Variants in GDA observed in about 807,000 individuals in gnomAD.
The protein encoded by GDA is cytoplasmic PSD-95 interactor.
Under a neutral mutation model 59.6 loss-of-function variants are expected in GDA, and 18 were observed. That is an observed-to-expected ratio of 0.30 (90% CI 0.21 to 0.45). The LOEUF (loss-of-function observed/expected upper bound fraction) is 0.45, where lower values mean the gene tolerates loss of function less well. GDA is among the 20% of genes least tolerant of loss of function. GDA has a pLI of 1.00. For missense variants in GDA, 427 were observed against 552.3 expected (o/e 0.77, Z 2.27); for synonymous variants, 201 against 201.1 (o/e 1.00, Z 0.00).
chr9:72,222,659 A>T (rs1373819348), intron 6 of GDA, among the ~76,000 whole-genome samples: 1 of 151,450 alleles, frequency 6.6e-6, no homozygotes, highest in Non-Finnish European at 1.5e-5. Flanking sequence ...CCTGAATGGT[A>T]TTGCCTAGGT....
At chr9:72,147,530 T>C (rs935664929), upstream of GDA, among the ~76,000 whole-genome samples, 4 of 152,200 alleles carry the variant, frequency 2.6e-5, no homozygotes, top group Non-Finnish European at 4.4e-5. Context: ...AGCTTAACAT[T>C]GTGGCTATAT....
intron 12 of GDA, among the ~76,000 whole-genome samples, chr9:72,245,523 A>G (rs185506253): frequency 1.3e-5 from 2 of 152,358 alleles, no homozygotes; most frequent in African/African-American, 2.4e-5. Flanking sequence ...ACAAACAGCC[A>G]TAATGTAACT....
intron 1 of GDA, among the ~76,000 whole-genome samples, chr9:72,126,643 T>C (rs1312478627): frequency 6.7e-6 from 1 of 149,640 alleles, no homozygotes; most frequent in East Asian, 2.0e-4. Context: ...CTCGGCTCAC[T>C]GCAACCTCTG....
In GDA at chr9:72,182,359, T is replaced by C. The variant is rs117266826; in HGVS notation, c.124-13141T>C. On this transcript the variant is annotated intron_variant, in intron 1 of 13. Transcript: ENST00000358399. ...TTTAGTGTTTCTTTGTCTTTCATGC[T>C]CTGGATAATTTTCAAGAATATAGAA... 6.4e-3 allele frequency among the ~76,000 whole-genome samples: 978 copies of C among 152,316 alleles called. 12 individuals are homozygous for C. The highest frequency in any genetic ancestry group is 0.011 in the South Asian group (53 of 4,818).
At chr9:72,141,797 A>C (rs1826451523) in intron 1 of GDA, among the ~76,000 whole-genome samples, 1 of 152,202 alleles carries the variant, frequency 6.6e-6, no homozygotes, top group Non-Finnish European at 1.5e-5. Context: ...AGATCCCCAG[A>C]ATGAGAGCCT....
chr9:72,248,239 AT>A, intron 13 of GDA, 32 bp from the exon 14 acceptor site: 1 of 1,445,922 alleles, frequency 6.9e-7, no homozygotes, highest in Non-Finnish European at 9.7e-7. Context: ...ACACAAAAGG[AT>A]TTTATACATG....
chr9:72,178,411 A>ATTT (rs1491280764), intron 1 of GDA, among the ~76,000 whole-genome samples: 1 of 133,938 alleles, frequency 7.5e-6, no homozygotes, highest in African/African-American at 3.1e-5. Context: ...GTTGGAATCG[A>ATTT]TATTTTTTTT....
intron 1 of GDA, among the ~76,000 whole-genome samples, chr9:72,118,585 T>G (rs1007367662): frequency 2.0e-5 from 3 of 152,118 alleles, no homozygotes; most frequent in African/African-American, 7.2e-5. Context: ...GCCAAACAAT[T>G]GCACAGATTT....
chr9:72,218,096 T>C (rs942653391), intron 5 of GDA, among the ~76,000 whole-genome samples: 1 of 152,066 alleles, frequency 6.6e-6, no homozygotes, highest in Non-Finnish European at 1.5e-5. Flanking sequence ...ATGTTTTTAG[T>C]AGAGATGAGG....
At chr9:72,184,117 AT>A (rs1831588109) in intron 1 of GDA, among the ~76,000 whole-genome samples, 1 of 152,182 alleles carries the variant, frequency 6.6e-6, no homozygotes. Flanking sequence ...TTTCCCATGT[AT>A]CCCCTGCCGG....
chr9:72,149,791 C>T, intron 1 of GDA, 109 bp downstream of exon 1: 1 of 1,156,532 alleles, frequency 8.6e-7, no homozygotes, highest in Non-Finnish European at 1.2e-6. Context: ...CAGTGAGCGC[C>T]GCGGCTCCGG....
At chr9:72,226,275 T>C (rs1837574427) in intron 8 of GDA, among the ~76,000 whole-genome samples, 1 of 152,176 alleles carries the variant, frequency 6.6e-6, no homozygotes, top group African/African-American at 2.4e-5. Flanking sequence ...AGAGCATACA[T>C]AGGATTTTAT....
chr9:72,211,224 G>A (rs1835318962), intron 4 of GDA, among the ~76,000 whole-genome samples: 1 of 152,208 alleles, frequency 6.6e-6, no homozygotes, highest in Admixed American at 6.5e-5. Flanking sequence ...CCCTTGAGAA[G>A]CCAGACAGAA....
At chr9:72,199,542 C>T (rs10781084) in intron 2 of GDA, among the ~76,000 whole-genome samples, 39,224 of 152,096 alleles carry the variant, frequency 0.26, 5,546 homozygotes, top group East Asian at 0.55. Flanking sequence ...TTCATCCTAA[C>T]TTTCACTACC....
At chr9:72,216,399 T>TG (rs1836115711) in intron 5 of GDA, among the ~76,000 whole-genome samples, 1 of 152,184 alleles carries the variant, frequency 6.6e-6, no homozygotes, top group Non-Finnish European at 1.5e-5. Context: ...ATATGAGAAC[T>TG]TGTCCTGCAC....
Position 72,149,681 on chromosome 9 carries a change from A to G in GDA, c.122A>G (p.Lys41Arg). The change falls in exon 1 of 14, where the codon AAA becomes AGA. Residue 41 changes from lysine (K) to arginine (R), a missense_variant and splice_region_variant. Lys to Arg is a conservative substitution (Grantham distance 26, BLOSUM62 2). Transcript: ENST00000358399. ...CTCCTCGGCGTGAGCGACAGCGGCA[A>G]AGTAAGCAGGCGCGGGGTCGAGCGC... ...DHLLGVSDSG[K>R]IVFLEEASQQ... 1 of 1,598,692 alleles carries G rather than the reference A, an allele frequency of 6.3e-7. No individual in the cohort carries two copies. Among genetic ancestry groups the G allele is most frequent in the African/African-American group, 1.4e-5 (1 of 73,060 alleles).
intron 1 of GDA, among the ~76,000 whole-genome samples, chr9:72,172,926 G>C (rs542302559): frequency 4.6e-5 from 7 of 152,094 alleles, no homozygotes; most frequent in Non-Finnish European, 8.8e-5. Context: ...CAAGATACAA[G>C]AACATAACTG....
intron 1 of GDA, among the ~76,000 whole-genome samples, chr9:72,141,338 T>A (rs183381181): frequency 6.6e-6 from 1 of 152,186 alleles, no homozygotes; most frequent in African/African-American, 2.4e-5. Context: ...TTATATATAA[T>A]ATTAAAAATC....
chr9:72,239,696 T>C (rs530520491), intron 10 of GDA, among the ~76,000 whole-genome samples: 1 of 152,268 alleles, frequency 6.6e-6, no homozygotes, highest in South Asian at 2.1e-4. Context: ...AGTTCCCAAA[T>C]TGTATTTGTT....
Sources: allele counts gnomAD v4.1 joint callset (sites outside exome capture counted in the v4.1 genomes callset), GRCh38; gene constraint gnomAD v4.1.1; transcripts MANE v1.5; gene names NCBI Gene and HGNC (gene_info 2026-07-23, HGNC 2026-07-21).